RNF13: variants seen among roughly 807,000 people sequenced by gnomAD.
The protein encoded by RNF13 is E3 ubiquitin-protein ligase RNF13.
RNF13 carries 19 observed loss-of-function variants against 37.7 expected under a neutral mutation model. The observed-to-expected ratio is 0.50, with a 90% CI of 0.35 to 0.74. RNF13 has a LOEUF of 0.74. Among genes scored for constraint, RNF13 ranks in the 30% least tolerant of loss-of-function variants. The pLI is 0.01. For missense variants in RNF13, 375 were observed against 453.0 expected, an observed-to-expected ratio of 0.83 and a Z score of 1.56; for synonymous variants, 144 against 157.8, an observed-to-expected ratio of 0.91 and a Z score of 0.65.
At position 149,927,802 on chromosome 3, in the gene RNF13, A is replaced by T. The variant is rs548038016; in HGVS notation, c.700+6575A>T. Among the ~76,000 whole-genome samples, 5 of 152,040 alleles carry T rather than the reference A, an allele frequency of 3.3e-5. No homozygotes were observed. In the South Asian group the frequency reaches 1.0e-3, roughly 32 times the overall value. ...TGTTCAAGTACTTTTCTTATTTTCA[A>T]TTGGGTGGTTTATCATTTTGTTCTT... is the stretch of plus-strand genomic sequence containing the variant. On this transcript the variant is annotated intron_variant, in intron 8 of 9. Coordinates refer to ENST00000392894, the MANE Select transcript of RNF13 (RefSeq NM_183381.3).
chr3:149,902,143 G>T lies in RNF13; in HGVS notation c.481G>T (p.Glu161Ter). 2 of 1,513,406 alleles carry T rather than the reference G, an allele frequency of 1.3e-6. No individual in the cohort carries two copies. Among genetic ancestry groups the T allele is most frequent in the Non-Finnish European group, 1.8e-6 (2 of 1,124,792 alleles). The allele number at this position is 1,513,406 out of a possible 1,614,324, so 93.7% of individuals were successfully genotyped here. A position where few individuals can be genotyped will look rare whatever the true frequency, so the allele number is the denominator to read the frequency against. The change falls in exon 6 of 10, where the codon GAA becomes TAA. Residue 161 changes from glutamate to a stop codon, truncating the protein, a stop_gained. Transcript: ENST00000392894. LOFTEE classifies it high-confidence loss of function. Reference protein sequence around the residue: ...GESSANSLKDEFTYEKGGHLI... With the variant: ...GESSANSLKD ...ATCATCAGCTAATTCTCTGAAAGATGAATTCACATATGAAAAAGGGTAAGT... is the reference window on the plus strand; with the variant it reads ...ATCATCAGCTAATTCTCTGAAAGATTAATTCACATATGAAAAAGGGTAAGT...
intron 8 of RNF13, among the ~76,000 whole-genome samples, chr3:149,922,857 C>T (rs1160231336): frequency 1.3e-5 from 2 of 152,082 alleles, no homozygotes; most frequent in Non-Finnish European, 2.9e-5. Context: ...AGTATAGTTT[C>T]TCTGTGATTT....
chr3:149,895,477 T>C lies in RNF13; in HGVS notation c.326T>C (p.Leu109Ser), dbSNP rs757352641. The stretch of plus-strand genomic sequence containing the variant: ...TTTTTTTTTTTTGCTTTGCAGGTTT[T>C]AAATGCACAGAGAGCAGGATACAAG... ...RLDCNFDIKV[L>S]NAQRAGYKAA... The change falls in exon 5 of 10, where the codon TTA becomes TCA. Residue 109 changes from leucine to serine, a missense_variant. Coordinates refer to ENST00000392894, the MANE Select transcript of RNF13 (RefSeq NM_183381.3). 2 of 1,549,020 alleles carry C rather than the reference T, an allele frequency of 1.3e-6. No homozygotes were observed. The highest frequency in any genetic ancestry group is 8.7e-7 in the Non-Finnish European group (1 of 1,143,380).
At chr3:149,862,083 A>G (rs962011862) in intron 3 of RNF13, among the ~76,000 whole-genome samples, 3 of 152,140 alleles carry the variant, frequency 2.0e-5, no homozygotes, top group South Asian at 4.1e-4. Flanking sequence ...AAAATTGGCA[A>G]TATGTTGGAT....
At chr3:149,863,091 C>T (rs1198070660) in intron 3 of RNF13, among the ~76,000 whole-genome samples, 3 of 152,156 alleles carry the variant, frequency 2.0e-5, no homozygotes, top group African/African-American at 7.2e-5. Flanking sequence ...CCCTTCTTGC[C>T]AGTTGCCATT....
chr3:149,871,925 A>T (rs1019750631), intron 3 of RNF13, 104 bp from the exon 4 acceptor site: 1 of 931,954 alleles, frequency 1.1e-6, no homozygotes, highest in Non-Finnish European at 1.5e-6. Context: ...TGATACATCT[A>T]GCATAATGCA....
At chr3:149,910,049 T>C (rs1716828762) in intron 6 of RNF13, among the ~76,000 whole-genome samples, 1 of 152,200 alleles carries the variant, frequency 6.6e-6, no homozygotes, top group South Asian at 2.1e-4. Context: ...GTCTGGCTTC[T>C]AAACCCTGAT....
At chr3:149,885,394 G>A (rs1230261965) in intron 4 of RNF13, among the ~76,000 whole-genome samples, 1 of 151,756 alleles carries the variant, frequency 6.6e-6, no homozygotes, top group African/African-American at 2.4e-5. Flanking sequence ...AGCATTTCTT[G>A]TTGCCTGTTT....
At chr3:149,957,592 C>T (rs867898730) in intron 8 of RNF13, among the ~76,000 whole-genome samples, 1 of 152,150 alleles carries the variant, frequency 6.6e-6, no homozygotes, top group Non-Finnish European at 1.5e-5. Flanking sequence ...GGGACAAAAG[C>T]ATAAGGTTGG....
chr3:149,830,927 C>T (rs572565657), intron 1 of RNF13, among the ~76,000 whole-genome samples: 4 of 152,282 alleles, frequency 2.6e-5, no homozygotes, highest in Admixed American at 6.5e-5. Flanking sequence ...CTAAAAGGGA[C>T]CAAGGTACAG....
intron 5 of RNF13, among the ~76,000 whole-genome samples, 154 bp from the exon 6 acceptor site, chr3:149,901,918 A>C (rs1715882921): frequency 6.6e-6 from 1 of 152,186 alleles, no homozygotes; most frequent in African/African-American, 2.4e-5. Context: ...AACCATTTTG[A>C]TGATGAATAA....
intron 1 of RNF13, among the ~76,000 whole-genome samples, chr3:149,822,339 C>T (rs766419772): frequency 2.0e-5 from 3 of 152,096 alleles, no homozygotes; most frequent in African/African-American, 4.8e-5. Context: ...ACAAGTCTCT[C>T]ACCTCCTTTG....
intron 8 of RNF13, among the ~76,000 whole-genome samples, chr3:149,943,597 A>G (rs1052844717): frequency 5.3e-5 from 8 of 152,110 alleles, no homozygotes; most frequent in African/African-American, 1.7e-4. Context: ...GGGTTTAGAC[A>G]AATTTAGTGA....
At chr3:149,859,924 T>G (rs376277496) in intron 3 of RNF13, among the ~76,000 whole-genome samples, 97 of 152,102 alleles carry the variant, frequency 6.4e-4, no homozygotes, top group African/African-American at 2.3e-3. Context: ...AAAGAAATCC[T>G]GAACAAAAAG....
intron 3 of RNF13, among the ~76,000 whole-genome samples, chr3:149,856,336 G>A (rs937008377): frequency 1.3e-5 from 2 of 151,750 alleles, no homozygotes; most frequent in Non-Finnish European, 2.9e-5. Flanking sequence ...AATGAAGTGA[G>A]GTAGCTCACT....
At chr3:149,914,050 A>T (rs898186309) in intron 7 of RNF13, among the ~76,000 whole-genome samples, 2 of 152,186 alleles carry the variant, frequency 1.3e-5, no homozygotes, top group African/African-American at 4.8e-5. Flanking sequence ...GTATACACTC[A>T]TGTATATTTA....
chr3:149,841,712 C>T (rs1484779606), intron 1 of RNF13, among the ~76,000 whole-genome samples: 1 of 152,004 alleles, frequency 6.6e-6, no homozygotes, highest in Non-Finnish European at 1.5e-5. Context: ...CTCTGCCTCC[C>T]GGGTTCAAGT....
intron 8 of RNF13, among the ~76,000 whole-genome samples, chr3:149,951,519 A>T (rs980341861): frequency 6.6e-6 from 1 of 152,182 alleles, no homozygotes; most frequent in African/African-American, 2.4e-5. Context: ...GTTGATTTGT[A>T]TCATGGCACT....
chr3:149,918,448 T>G (rs1410250208), intron 7 of RNF13, among the ~76,000 whole-genome samples: 1 of 152,196 alleles, frequency 6.6e-6, no homozygotes, highest in Non-Finnish European at 1.5e-5. Flanking sequence ...CTAATGATGC[T>G]TTTTGCCTTA....
Sources: allele counts gnomAD v4.1 joint callset (sites outside exome capture counted in the v4.1 genomes callset), GRCh38; gene constraint gnomAD v4.1.1; transcripts MANE v1.5; gene names NCBI Gene and HGNC (gene_info 2026-07-23, HGNC 2026-07-21).